SGPP2: variants seen among roughly 807,000 people sequenced by gnomAD.
SGPP2 encodes the protein sphingosine-1-phosphate phosphatase 2.
Under a neutral mutation model 33.9 loss-of-function variants are expected in SGPP2, and 30 were observed. That is an observed-to-expected ratio of 0.89 (90% CI 0.66 to 1.20). The LOEUF (loss-of-function observed/expected upper bound fraction) is 1.20. SGPP2 is among the 50% of genes most tolerant of loss of function. SGPP2 has a pLI of 0.00. For synonymous variants in SGPP2, 233 were observed against 225.0 expected (o/e 1.04, Z -0.32); for missense variants, 458 against 532.1 (o/e 0.86, Z 1.37).
intron 4 of SGPP2, among the ~76,000 whole-genome samples, chr2:222,546,735 T>G (rs1312689320): frequency 1.3e-5 from 2 of 151,728 alleles, no homozygotes; most frequent in East Asian, 3.9e-4. Flanking sequence ...TGCGCTTATG[T>G]ATTACTATAT....
chr2:222,484,370 A>T (rs185243262), intron 2 of SGPP2, among the ~76,000 whole-genome samples: 2 of 152,288 alleles, frequency 1.3e-5, no homozygotes, highest in East Asian at 3.9e-4. Context: ...CACCCCCAGG[A>T]TCATTTCTGA....
At chr2:222,521,095 A>G (rs544964814) in intron 2 of SGPP2, among the ~76,000 whole-genome samples, 3 of 152,316 alleles carry the variant, frequency 2.0e-5, no homozygotes, top group African/African-American at 7.2e-5. Context: ...TACCCATGCC[A>G]TTTATTTGAC....
intron 2 of SGPP2, among the ~76,000 whole-genome samples, chr2:222,485,929 A>G (rs1698099507): frequency 6.6e-6 from 1 of 152,192 alleles, no homozygotes; most frequent in Non-Finnish European, 1.5e-5. Context: ...AAGCTTGAGA[A>G]CTGCAAAACA....
At chr2:222,530,131 C>G (rs542055534) in intron 4 of SGPP2, among the ~76,000 whole-genome samples, 1 of 152,310 alleles carries the variant, frequency 6.6e-6, no homozygotes, top group South Asian at 2.1e-4. Flanking sequence ...TGCAAACAGA[C>G]GTGCTGTCAC....
intron 1 of SGPP2, among the ~76,000 whole-genome samples, chr2:222,429,136 T>C (rs988066072): frequency 6.6e-6 from 1 of 152,168 alleles, no homozygotes; most frequent in South Asian, 2.1e-4. Context: ...CATGGTTTTC[T>C]AACCATGGCT....
intron 4 of SGPP2, among the ~76,000 whole-genome samples, chr2:222,554,604 T>G (rs1306801412): frequency 2.6e-5 from 4 of 152,156 alleles, no homozygotes; most frequent in African/African-American, 4.8e-5. Flanking sequence ...ATATGATTAA[T>G]GAAAAAGAGT....
At chr2:222,447,476 G>A (rs1403184430) in intron 1 of SGPP2, among the ~76,000 whole-genome samples, 1 of 152,146 alleles carries the variant, frequency 6.6e-6, no homozygotes, top group African/African-American at 2.4e-5. Context: ...TTGAGTTCCT[G>A]GGCATTCACG....
chr2:222,452,581 A>T, intron 1 of SGPP2: 7 of 1,259,342 alleles, frequency 5.6e-6, no homozygotes, highest in Non-Finnish European at 8.1e-6. Context: ...TCCTCTCCAC[A>T]GTTATAGAAG....
intron 2 of SGPP2, among the ~76,000 whole-genome samples, chr2:222,512,779 G>T (rs1698549486): frequency 6.6e-6 from 1 of 152,030 alleles, no homozygotes; most frequent in Non-Finnish European, 1.5e-5. Flanking sequence ...ATATATTTAG[G>T]CTCCTCCATA....
At chr2:222,493,107 A>G (rs1698222964) in intron 2 of SGPP2, among the ~76,000 whole-genome samples, 1 of 152,166 alleles carries the variant, frequency 6.6e-6, no homozygotes, top group Non-Finnish European at 1.5e-5. Flanking sequence ...CCACATTTCC[A>G]AGTATCTTTA....
chr2:222,490,833 G>A (rs764272133), intron 2 of SGPP2, among the ~76,000 whole-genome samples: 12 of 152,160 alleles, frequency 7.9e-5, no homozygotes, highest in Non-Finnish European at 1.6e-4. Context: ...TCATAAAACA[G>A]CTTCTGAATC....
intron 2 of SGPP2, among the ~76,000 whole-genome samples, chr2:222,479,693 G>A (rs536482191): frequency 1.1e-4 from 17 of 152,020 alleles, no homozygotes; most frequent in South Asian, 2.1e-4. Context: ...GTGAGCCACC[G>A]CGCCCGGCCT....
At chr2:222,470,400 T>C (rs976292471) in intron 1 of SGPP2, among the ~76,000 whole-genome samples, 1 of 152,240 alleles carries the variant, frequency 6.6e-6, no homozygotes, top group Non-Finnish European at 1.5e-5. Flanking sequence ...ACAGAGAAGT[T>C]ATCTAAGAAA....
chr2:222,523,936 CAT>C (rs1430084273), intron 3 of SGPP2, among the ~76,000 whole-genome samples: 1 of 152,100 alleles, frequency 6.6e-6, no homozygotes, highest in East Asian at 1.9e-4. Flanking sequence ...TTATGGTACT[CAT>C]GTGTTACAAG....
intron 4 of SGPP2, among the ~76,000 whole-genome samples, chr2:222,527,878 A>G (rs1277228460): frequency 2.6e-5 from 4 of 152,146 alleles, no homozygotes; most frequent in Non-Finnish European, 5.9e-5. Context: ...TTCAGCAGCA[A>G]CTTAATCAGC....
rs527356392 is a variant in SGPP2 at position 222,425,198 on chromosome 2, C to G, written c.219+377C>G. ...GGGGAGACGTTCTTAGACTCCCCCC[C>G]ACCCCCGTATTCTTGCATTTCCGCC... On this transcript the variant is annotated intron_variant, in intron 1 of 4. Transcript: ENST00000321276. 3.9e-5 allele frequency among the ~76,000 whole-genome samples: 6 copies of G among 152,268 alleles called. No homozygotes were observed. The South Asian group carries it at 8.3e-4, about 21-fold the overall frequency.
chr2:222,459,142 C>CTTTCTTTTTTT (rs1414316448), intron 1 of SGPP2, among the ~76,000 whole-genome samples: 29 of 94,472 alleles, frequency 3.1e-4, no homozygotes, highest in Non-Finnish European at 5.4e-4. Context: ...TTCTTTCTTT[C>CTTTCTTTTTTT]TTTTTTTTTT....
chr2:222,457,864 G>A (rs1004232581), intron 1 of SGPP2, among the ~76,000 whole-genome samples: 6 of 152,138 alleles, frequency 3.9e-5, no homozygotes, highest in Admixed American at 3.3e-4. Flanking sequence ...CAGGCATTTG[G>A]GTAGGAAATG....
At position 222,477,048 on chromosome 2, in the gene SGPP2, T is replaced by G. The variant is rs1574851064; in HGVS notation, c.378+2322T>G. On this transcript the variant is annotated intron_variant, in intron 2 of 4. Transcript: ENST00000321276. This position sits in a 1 kb window ranked among gnomAD's most constrained non-coding sequence, Gnocchi z 6.0. Reference sequence around the variant, plus strand: ...GTGTGTATATATGTGTATGTGTGTATAGGTGTGTATATATGTGTGTTTATA... The same window carrying G: ...GTGTGTATATATGTGTATGTGTGTAGAGGTGTGTATATATGTGTGTTTATA... Among the ~76,000 whole-genome samples, 2 of 151,678 alleles carry G rather than the reference T, an allele frequency of 1.3e-5. No homozygotes were observed. Among genetic ancestry groups the G allele is most frequent in the Admixed American group, 6.6e-5 (1 of 15,220 alleles).
Sources: gnomAD v4.1 joint callset for allele counts (sites outside exome capture counted in the v4.1 genomes callset) on GRCh38, gnomAD v4.1.1 for gene constraint, Gnocchi (gnomAD v3.1) non-coding constraint, MANE v1.5 for transcripts, NCBI Gene and HGNC (gene_info 2026-07-23, HGNC 2026-07-21) for gene names.